Variants in GRIA4 observed in about 807,000 individuals in gnomAD.
GRIA4 encodes glutamate ionotropic receptor AMPA type subunit 4.
In GRIA4, 34 loss-of-function variants were observed where a neutral mutation model predicts 104.0. The ratio of observed to expected loss-of-function variants is 0.33; its 90% CI spans 0.25 to 0.44. GRIA4 has a LOEUF of 0.44. Ranked by LOEUF, GRIA4 falls within the 20% of genes least tolerant of loss-of-function variation. The probability of loss-of-function intolerance (pLI) is 1.00; values close to 1 mark genes in which losing one functional copy is unlikely to be tolerated. For synonymous variants in GRIA4, 386 were observed against 381.9 expected, an observed-to-expected ratio of 1.01 and a Z score of -0.13; for missense variants, 750 against 1,096.5, an observed-to-expected ratio of 0.68 and a Z score of 4.46.
At chr11:105,820,897 T>A (rs1943551733) in intron 4 of GRIA4, among the ~76,000 whole-genome samples, 1 of 152,274 alleles carries the variant, frequency 6.6e-6, no homozygotes, top group African/African-American at 2.4e-5. Context: ...TTGTCTTATT[T>A]TCCAAACCAA....
intron 6 of GRIA4, among the ~76,000 whole-genome samples, chr11:105,896,884 C>G (rs1313816488): frequency 6.6e-6 from 1 of 151,998 alleles, no homozygotes; most frequent in Non-Finnish European, 1.5e-5. Flanking sequence ...GTGGCTTTGG[C>G]TATTCAAGCT....
At chr11:105,752,821 T>C (rs956342187) in intron 3 of GRIA4, among the ~76,000 whole-genome samples, 160 bp from the exon 4 acceptor site, 3 of 152,210 alleles carry the variant, frequency 2.0e-5, no homozygotes, top group African/African-American at 7.2e-5. Flanking sequence ...TAATTGATTG[T>C]GCAATTAATT....
At chr11:105,696,702 T>C (rs1191051630) in intron 3 of GRIA4, among the ~76,000 whole-genome samples, 3 of 152,182 alleles carry the variant, frequency 2.0e-5, no homozygotes. Flanking sequence ...GTTTATTTTA[T>C]TCTGCACAAG....
chr11:105,954,683 T>C (rs2136246538), intron 14 of GRIA4, among the ~76,000 whole-genome samples: 1 of 152,190 alleles, frequency 6.6e-6, no homozygotes, highest in South Asian at 2.1e-4. Context: ...TTTTAATGGT[T>C]ATCAAACATC....
intron 3 of GRIA4, among the ~76,000 whole-genome samples, chr11:105,751,541 A>G (rs1939999117): frequency 6.6e-6 from 1 of 152,194 alleles, no homozygotes; most frequent in Admixed American, 6.5e-5. Flanking sequence ...TCAGAAGATC[A>G]AATTCTAGTT....
intron 3 of GRIA4, among the ~76,000 whole-genome samples, chr11:105,633,099 T>C (rs927672060): frequency 3.9e-5 from 6 of 152,222 alleles, no homozygotes; most frequent in Non-Finnish European, 7.3e-5. Flanking sequence ...GTGTGTTATG[T>C]TTTATTTTCT....
At chr11:105,910,979 A>G (rs778254613) in intron 10 of GRIA4, among the ~76,000 whole-genome samples, 2 of 152,162 alleles carry the variant, frequency 1.3e-5, no homozygotes, top group Non-Finnish European at 2.9e-5. Context: ...ATTTTCAGGT[A>G]GTTCAATCAT....
chr11:105,648,584 T>C (rs1951597760), intron 3 of GRIA4, among the ~76,000 whole-genome samples: 1 of 146,054 alleles, frequency 6.8e-6, no homozygotes, highest in African/African-American at 2.5e-5. Flanking sequence ...TATTAATAAA[T>C]GCAAAAAGGA....
intron 14 of GRIA4, among the ~76,000 whole-genome samples, chr11:105,958,820 C>G (rs1948659121): frequency 6.6e-6 from 1 of 152,160 alleles, no homozygotes; most frequent in Non-Finnish European, 1.5e-5. Flanking sequence ...AACAAAATCC[C>G]TCAGCATTTG....
At chr11:105,639,389 A>T (rs973099919) in intron 3 of GRIA4, among the ~76,000 whole-genome samples, 5 of 152,042 alleles carry the variant, frequency 3.3e-5, no homozygotes, top group Non-Finnish European at 5.9e-5. Flanking sequence ...TGTAAAAGGG[A>T]TCTGAGGTCT....
intron 4 of GRIA4, among the ~76,000 whole-genome samples, chr11:105,811,178 G>A (rs1477739607): frequency 6.6e-6 from 1 of 152,118 alleles, no homozygotes. Context: ...ATGATCAGCT[G>A]TTAAGAGGGC....
At chr11:105,898,820 C>A (rs544910875) in intron 7 of GRIA4, among the ~76,000 whole-genome samples, 1 of 151,552 alleles carries the variant, frequency 6.6e-6, no homozygotes, top group South Asian at 2.1e-4. Context: ...GTAAAATATA[C>A]AAGCTTCTGC....
chr11:105,787,124 G>C (rs990251322), intron 4 of GRIA4, among the ~76,000 whole-genome samples: 2 of 152,138 alleles, frequency 1.3e-5, no homozygotes, highest in African/African-American at 4.8e-5. Flanking sequence ...ACAACTAATT[G>C]AGCACTGATC....
At chr11:105,808,187 T>C (rs1470627231) in intron 4 of GRIA4, among the ~76,000 whole-genome samples, 1 of 151,938 alleles carries the variant, frequency 6.6e-6, no homozygotes, top group East Asian at 1.9e-4. Context: ...ATGGATTTGT[T>C]GATCTTTGTT....
intron 4 of GRIA4, among the ~76,000 whole-genome samples, chr11:105,831,979 C>T (rs1006966864): frequency 6.6e-6 from 1 of 151,938 alleles, no homozygotes; most frequent in Non-Finnish European, 1.5e-5. Context: ...CAGTGAATTC[C>T]ACCTTGGACA....
At chr11:105,820,930 G>A (rs1943552557) in intron 4 of GRIA4, among the ~76,000 whole-genome samples, 1 of 152,226 alleles carries the variant, frequency 6.6e-6, no homozygotes, top group South Asian at 2.1e-4. Context: ...AGGCTGTTAA[G>A]AACAGAAGAG....
At chr11:105,640,791 G>A (rs1030046986) in intron 3 of GRIA4, among the ~76,000 whole-genome samples, 2 of 151,788 alleles carry the variant, frequency 1.3e-5, no homozygotes, top group Admixed American at 6.6e-5. Flanking sequence ...ATTGAATATT[G>A]TTATGCATTT....
intron 4 of GRIA4, 89 bp from the exon 5 acceptor site, chr11:105,861,935 A>G: frequency 1.3e-6 from 1 of 748,214 alleles, no homozygotes; most frequent in Admixed American, 2.3e-5. Flanking sequence ...ATTTTGGAAC[A>G]TAACAGTGTT....
intron 3 of GRIA4, among the ~76,000 whole-genome samples, chr11:105,725,565 G>T (rs968390072): frequency 6.6e-6 from 1 of 152,106 alleles, no homozygotes; most frequent in African/African-American, 2.4e-5. Flanking sequence ...CTAATATAAA[G>T]AATCATTAAT....
Sources: gnomAD v4.1 joint callset for allele counts (sites outside exome capture counted in the v4.1 genomes callset) on GRCh38, gnomAD v4.1.1 for gene constraint, MANE v1.5 for transcripts, NCBI Gene and HGNC (gene_info 2026-07-23, HGNC 2026-07-21) for gene names.